The following UNC45A variants were observed in gnomAD, a reference collection of about 807,000 sequenced individuals.
UNC45A encodes unc-45 myosin chaperone A, also known as protein unc-45 homolog A.
A neutral mutation model predicts 103.2 loss-of-function variants in UNC45A; 78 were observed. That is an observed-to-expected ratio of 0.76 (90% confidence interval 0.63 to 0.91). UNC45A has a LOEUF of 0.91. Among genes scored for constraint, UNC45A ranks in the 40% least tolerant of loss-of-function variants. UNC45A has a pLI of 0.00. For synonymous variants in UNC45A, 495 were observed against 504.6 expected (o/e 0.98, Z 0.25); for missense variants, 1,193 against 1,224.8 (o/e 0.97, Z 0.39).
upstream of UNC45A, chr15:90,931,231 T>C (rs1439662443): frequency 2.6e-6 from 4 of 1,548,792 alleles, no homozygotes; most frequent in Non-Finnish European, 3.5e-6. Flanking sequence ...CTGTCCGGCC[T>C]GAACGAGGCT....
rs2037039510 is a variant in UNC45A, at chr15:90,953,369, GA to G, written c.2577+61del. On this transcript the variant is annotated intron_variant, in intron 19 of 19. Transcript: ENST00000418476. Reference sequence around the variant, plus strand: ...GGACCAGGAACTCCCAGCAGCAGCTGAAGGGGGCAGTCCTAGGGTGTGTGGG... The same window carrying G: ...GGACCAGGAACTCCCAGCAGCAGCTGAGGGGGCAGTCCTAGGGTGTGTGGG... 4 of 1,592,944 alleles carry G rather than the reference GA, an allele frequency of 2.5e-6. No individual in the cohort carries two copies. The Admixed American group carries it at 5.1e-5, about 20-fold the overall frequency.
chr15:90,942,666 G>C (rs1238847954), intron 7 of UNC45A, 61 bp downstream of exon 7: 3 of 1,608,318 alleles, frequency 1.9e-6, no homozygotes. Flanking sequence ...ATGGGGCTGA[G>C]CCAGCCAGGC....
In UNC45A at chr15:90,948,200, G is replaced by T; in HGVS notation, c.1654G>T (p.Ala552Ser). The T allele has an allele frequency of 1.2e-6, 2 of 1,614,172 alleles. No individual in the cohort carries two copies. The highest frequency in any genetic ancestry group is 1.7e-6 in the Non-Finnish European group (2 of 1,180,042). The stretch of plus-strand genomic sequence containing the variant: ...TCGGCGCTGGGCAGTGGAGGGCCTG[G>T]CTTACCTGACCTTTGATGCCGACGT... ...GTRRWAVEGL[A>S]YLTFDADVKE... Residue 552 changes from alanine to serine, a missense_variant, in exon 12 of 20, where the codon GCT becomes TCT. By Grantham distance (99) the Ala-to-Ser change is moderately conservative (BLOSUM62 1). Transcript: ENST00000418476.
At chr15:90,947,769 C>T (rs1197678695) in intron 10 of UNC45A, 27 bp from the exon 11 acceptor site, 19 of 1,575,866 alleles carry the variant, frequency 1.2e-5, no homozygotes, top group Non-Finnish European at 1.5e-5. Flanking sequence ...TCCCCAGAGG[C>T]CAACTGGTCT....
Position 90,942,365 on chromosome 15 carries a change from TCA to T in UNC45A, c.688-69_688-68del, listed in dbSNP as rs1460260496. ...TCTCCTTCTGGCCGTATCCTCTAAC[TCA>T]CAGTTAGGGATCTCTGTGGCTGCCC... On this transcript the variant is annotated intron_variant, in intron 6 of 19. Transcript: ENST00000418476. The T allele has an allele frequency of 5.3e-6, 8 of 1,519,786 alleles. No individual in the cohort carries two copies. The East Asian group carries it at 1.8e-4, about 34-fold the overall frequency. The allele number at this position is 1,519,786 out of a possible 1,614,324, so 94.1% of individuals were successfully genotyped here. A position where few individuals can be genotyped will look rare whatever the true frequency, so the allele number is the denominator to read the frequency against.
chr15:90,953,960 T>C lies in UNC45A; in HGVS notation c.*244T>C. The C allele has an allele frequency of 3.5e-6, 2 of 564,664 alleles. No homozygotes were observed. The highest frequency in any genetic ancestry group is 4.1e-5 in the South Asian group (2 of 48,450). The allele number at this position is 564,664 out of a possible 1,614,324, so 35.0% of individuals were successfully genotyped here. The stretch of plus-strand genomic sequence containing the variant: ...CTTTTTCTGTACTACTGTAGTCAGC[T>C]GGGAATGGGGAAGGTGCATCCCAAC... On this transcript the variant is annotated 3_prime_UTR_variant, in exon 20 of 20. Coordinates refer to ENST00000418476, the MANE Select transcript of UNC45A (RefSeq NM_018671.5).
chr15:90,950,999 A>G (rs1242311463), intron 17 of UNC45A, among the ~76,000 whole-genome samples: 1 of 147,134 alleles, frequency 6.8e-6, no homozygotes, highest in Non-Finnish European at 1.5e-5. Flanking sequence ...GTGCCATATC[A>G]GTATATTTTA....
intron 3 of UNC45A, 118 bp downstream of exon 3, chr15:90,936,100 T>TTCTTTCCCACTGCCTCGGGCC (rs2036002676): frequency 1.1e-5 from 17 of 1,544,148 alleles, no homozygotes; most frequent in Admixed American, 6.3e-5. Context: ...TCTGCCTTCT[T>TTCTTTCCCACTGCCTCGGGCC]TCTTTCCCAC....
chr15:90,947,801 C>A lies in UNC45A; in HGVS notation c.1506C>A (p.Leu502=), dbSNP rs2036649429. 2 of 1,614,038 alleles carry A rather than the reference C, an allele frequency of 1.2e-6. No homozygotes were observed. The highest frequency in any genetic ancestry group is 1.7e-6 in the Non-Finnish European group (2 of 1,179,934). The change falls in exon 11 of 20, where the codon CTC becomes CTA. Residue 502 remains leucine (L), a synonymous_variant. Transcript: ENST00000418476. ...GTCTTGCCCTCTTCCTCCAGGGACT[C>A]TGTAAGCTCGGTTCGGCTGGAGGGA... The part of the protein sequence containing the change: ...DSIRIRALVG[L]CKLGSAGGTD...
upstream of UNC45A, chr15:90,932,758 G>T: frequency 2.5e-6 from 1 of 393,840 alleles, no homozygotes; most frequent in South Asian, 1.4e-4. Context: ...AGTGTGCTCT[G>T]TTGGGGGTGC....
At chr15:90,940,896 G>C (rs1199258565) in intron 6 of UNC45A, 3 of 153,548 alleles carry the variant, frequency 2.0e-5, no homozygotes, top group African/African-American at 7.3e-5. Context: ...CTGGGTGACA[G>C]AGCGAGACTA....
Position 90,950,525 on chromosome 15 carries a change from T to C in UNC45A, c.2213T>C (p.Val738Ala). ...ERIYEVVRPL[V>A]SLLHLNCSGL... ...ATCTATGAGGTGGTCCGGCCCCTCG[T>C]CTCCCTGTTGCACCTCAACTGCTCA... Residue 738 changes from valine (V) to alanine (A), a missense_variant, in exon 17 of 20, where the codon GTC becomes GCC. By Grantham distance (64) the Val-to-Ala change is moderately conservative. Coordinates refer to ENST00000418476, the MANE Select transcript of UNC45A (RefSeq NM_018671.5). The C allele has an allele frequency of 1.9e-6, 3 of 1,614,092 alleles. No individual in the cohort carries two copies. Among genetic ancestry groups the C allele is most frequent in the Non-Finnish European group, 2.5e-6 (3 of 1,180,012 alleles).
intron 17 of UNC45A, among the ~76,000 whole-genome samples, chr15:90,951,698 A>G (rs1312635217): frequency 1.3e-5 from 2 of 152,222 alleles, no homozygotes; most frequent in Non-Finnish European, 2.9e-5. Flanking sequence ...CCACAACGGC[A>G]CATGGTTACC....
chr15:90,940,625 A>G, intron 6 of UNC45A, 152 bp downstream of exon 6: 4 of 1,003,326 alleles, frequency 4.0e-6, no homozygotes, highest in East Asian at 3.0e-5. Context: ...TTCTAAAAAG[A>G]ACTTAGGTAG....
chr15:90,939,644 A>G (rs1436406770), intron 4 of UNC45A, 87 bp from the exon 5 acceptor site: 3 of 1,409,028 alleles, frequency 2.1e-6, no homozygotes, highest in East Asian at 2.3e-5. Context: ...TGCCTCCCAG[A>G]GTGAGGAGCT....
Position 90,953,250 on chromosome 15 carries a change from C to T in UNC45A, c.2517C>T (p.Ala839=), listed in dbSNP as rs1008350719. 18 of 1,613,476 alleles carry T rather than the reference C, an allele frequency of 1.1e-5. No homozygotes were observed. Among genetic ancestry groups the T allele is most frequent in the African/African-American group, 9.3e-5 (7 of 74,908 alleles). Residue 839 remains alanine (A), a synonymous_variant, in exon 19 of 20, where the codon GCC becomes GCT. Transcript: ENST00000418476. The stretch of plus-strand genomic sequence containing the variant: ...ATGAGCTGCTACAGCGGGCAGCTGC[C>T]GGGGGCTTGGCCATGCTTACCTCCA... The part of the protein sequence containing the change: ...EDDELLQRAA[A]GGLAMLTSMR...
intron 11 of UNC45A, 59 bp downstream of exon 11, chr15:90,947,949 G>A (rs2036660356): frequency 6.6e-7 from 1 of 1,520,694 alleles, no homozygotes; most frequent in Non-Finnish European, 8.9e-7. Context: ...AAGACACAGG[G>A]GTCTGGGTGG....
chr15:90,938,160 A>G lies in UNC45A; in HGVS notation c.427-1571A>G, dbSNP rs540261039. 1.1e-4 allele frequency among the ~76,000 whole-genome samples: 17 copies of G among 152,328 alleles called. No homozygotes were observed. The South Asian group carries it at 2.1e-3, about 19-fold the overall frequency. On this transcript the variant is annotated intron_variant, in intron 4 of 19. Transcript: ENST00000418476. ...ATTTTAAAAGATATACATCAAAATG[A>G]TAACACGGTGACCCCTGGGGAAAGG...
chr15:90,931,836 T>C, upstream of UNC45A: 2 of 1,614,152 alleles, frequency 1.2e-6, no homozygotes, highest in Non-Finnish European at 8.5e-7. Context: ...GGCAGAGTCT[T>C]GTCATCTGTT....
Sources: allele counts gnomAD v4.1 joint callset (sites outside exome capture counted in the v4.1 genomes callset), GRCh38; gene constraint gnomAD v4.1.1; transcripts MANE v1.5; gene names NCBI Gene and HGNC (gene_info 2026-07-23, HGNC 2026-07-21).